Variants in UBR3 observed in about 807,000 individuals in gnomAD.
The protein encoded by UBR3 is E3 ubiquitin-protein ligase UBR3.
A neutral mutation model predicts 243.2 loss-of-function variants in UBR3; 85 were observed. The ratio of observed to expected loss-of-function variants is 0.35; its 90% CI spans 0.29 to 0.42. UBR3 has a LOEUF of 0.42. UBR3 is among the 10% of genes least tolerant of loss of function. The pLI is 1.00. For missense variants in UBR3, 1,686 were observed against 2,300.8 expected, an observed-to-expected ratio of 0.73 and a Z score of 5.47; for synonymous variants, 748 against 799.8, an observed-to-expected ratio of 0.94 and a Z score of 1.09.
intron 1 of UBR3, among the ~76,000 whole-genome samples, chr2:169,835,860 T>C (rs941129733): frequency 2.6e-5 from 4 of 151,620 alleles, no homozygotes; most frequent in African/African-American, 7.3e-5. Context: ...TTGAGATGAA[T>C]AGATATTAAC....
At chr2:169,887,204 A>G (rs999791319) in intron 5 of UBR3, among the ~76,000 whole-genome samples, 2 of 152,180 alleles carry the variant, frequency 1.3e-5, no homozygotes, top group South Asian at 2.1e-4. Context: ...ACCTGTGTCC[A>G]TATTTTGTGC....
rs530605155 is a variant in UBR3 at position 169,936,464 on chromosome 2, AT to A, written c.2663+3464del. Among the ~76,000 whole-genome samples, 77 of 151,566 alleles carry A rather than the reference AT, an allele frequency of 5.1e-4. 1 individual carries two copies. The highest frequency in any genetic ancestry group is 9.1e-4 in the Non-Finnish European group (62 of 67,842). On this transcript the variant is annotated intron_variant, in intron 19 of 38. Transcript: ENST00000272793. ...TAATGATAGTTTTCTTATTTTGAAG[AT>A]TTTTTTTCTTCATTCTATGTAGTAT... is the stretch of plus-strand genomic sequence containing the variant.
At chr2:169,928,269 T>A (rs1025196578) in intron 17 of UBR3, among the ~76,000 whole-genome samples, 10 of 152,192 alleles carry the variant, frequency 6.6e-5, no homozygotes, top group Non-Finnish European at 1.5e-4. Flanking sequence ...GTTTGCCTCT[T>A]TGCTTATATT....
chr2:169,854,888 G>A (rs1330539520), intron 1 of UBR3, among the ~76,000 whole-genome samples: 1 of 151,960 alleles, frequency 6.6e-6, no homozygotes. Flanking sequence ...TTTAATGCTG[G>A]TATTAAAATA....
Position 169,956,031 on chromosome 2 carries a change from A to G in UBR3, c.3546-2407A>G, listed in dbSNP as rs551160644. Among the ~76,000 whole-genome samples, 16 of 151,682 alleles carry G rather than the reference A, an allele frequency of 1.1e-4. No homozygotes were observed. In the South Asian group the frequency reaches 2.9e-3, roughly 28 times the overall value. ...AAGGTAGTGTGAGAGAGGAAGGGAG[A>G]AATTTATATTTAGTTTTATGTCTGA... On this transcript the variant is annotated intron_variant, in intron 23 of 38. Coordinates refer to ENST00000272793, the MANE Select transcript of UBR3 (RefSeq NM_172070.4).
intron 5 of UBR3, among the ~76,000 whole-genome samples, chr2:169,879,439 A>T (rs6433156): frequency 2.0e-5 from 3 of 152,196 alleles, no homozygotes; most frequent in South Asian, 2.1e-4. Context: ...ACAATGTTAC[A>T]TTTTGTGGAG....
At position 169,946,384 on chromosome 2, in the gene UBR3, G is replaced by C; in HGVS notation, c.2902G>C (p.Asp968His). The C allele has an allele frequency of 3.3e-6, 5 of 1,493,332 alleles. No individual in the cohort carries two copies. Among genetic ancestry groups the C allele is most frequent in the Non-Finnish European group, 3.6e-6 (4 of 1,114,402 alleles). 92.5% of individuals were successfully genotyped at this position (1,493,332 alleles called of 1,614,324 possible). Residue 968 changes from aspartate to histidine, a missense_variant, in exon 21 of 39, where the codon GAT becomes CAT. Asp to His is a moderately conservative substitution (Grantham distance 81). This residue lies in a region of UBR3 where 300 missense variants were observed against 314.4 expected (regional missense o/e 0.95). Coordinates refer to ENST00000272793, the MANE Select transcript of UBR3 (RefSeq NM_172070.4). ...TGAAAATTCTGCTGAAGAAGAATCA[G>C]ATGAAGAGGTAAGTAGTTTTTATAA... is the stretch of plus-strand genomic sequence containing the variant. ...GLENSAEEES[D>H]EEASVGGPER...
chr2:169,908,005 C>T (rs2085085708), intron 10 of UBR3, among the ~76,000 whole-genome samples: 2 of 152,152 alleles, frequency 1.3e-5, no homozygotes, highest in African/African-American at 4.8e-5. Flanking sequence ...CTCCTGACCT[C>T]AGGTGATCTG....
rs183558633 is a variant in UBR3, at chr2:169,906,382, G to A, written c.1779+218G>A. 1.7e-4 allele frequency among the ~76,000 whole-genome samples: 26 copies of A among 152,080 alleles called. 1 individual carries two copies. Among genetic ancestry groups the A allele is most frequent in the Admixed American group, 4.6e-4 (7 of 15,270 alleles). ...CCTGTTGCTATTGTGAACAGTCTTC[G>A]GAACTTCATTAGTCTCCACATTCAT... On this transcript the variant is annotated intron_variant, in intron 10 of 38. Transcript: ENST00000272793.
intron 1 of UBR3, among the ~76,000 whole-genome samples, chr2:169,866,508 A>G (rs914268374): frequency 2.6e-5 from 4 of 151,910 alleles, no homozygotes; most frequent in Non-Finnish European, 5.9e-5. Flanking sequence ...GATTACAGGC[A>G]TACGCCACCA....
chr2:169,970,300 A>G (rs1405545413), intron 24 of UBR3, among the ~76,000 whole-genome samples: 1 of 75,066 alleles, frequency 1.3e-5, no homozygotes, highest in African/African-American at 5.6e-5. Flanking sequence ...CTGCTAGTTT[A>G]TTATTGATGT....
At chr2:169,930,187 C>T (rs991817589) in intron 18 of UBR3, among the ~76,000 whole-genome samples, 6 of 152,124 alleles carry the variant, frequency 3.9e-5, no homozygotes, top group Admixed American at 1.3e-4. Flanking sequence ...GTCTCACCTC[C>T]TATCTGCTAT....
At chr2:169,886,156 CA>C (rs71006050) in intron 5 of UBR3, among the ~76,000 whole-genome samples, 170 of 112,136 alleles carry the variant, frequency 1.5e-3, no homozygotes, top group African/African-American at 3.3e-3. Context: ...GACTCCGTCT[CA>C]AAAAAAAAAA....
intron 23 of UBR3, among the ~76,000 whole-genome samples, chr2:169,955,843 A>G (rs940789024): frequency 6.8e-6 from 1 of 146,956 alleles, no homozygotes. Flanking sequence ...ACTTGGAGTC[A>G]GCCATTTCTC....
intron 30 of UBR3, among the ~76,000 whole-genome samples, chr2:170,024,219 T>C (rs2090466118): frequency 6.6e-6 from 1 of 151,154 alleles, no homozygotes; most frequent in Admixed American, 6.6e-5. Flanking sequence ...CCTGGTGTGG[T>C]GGTGGGAGCC....
In UBR3 at chr2:170,063,555, A is replaced by G. The variant is rs1574469707; in HGVS notation, c.5019+2112A>G. ...GTATACTGCAATCTGAAAATATTAA[A>G]TGAAAAATTCCAGAAAAAAACTATT... On this transcript the variant is annotated intron_variant, in intron 35 of 38. Transcript: ENST00000272793. Among the ~76,000 whole-genome samples the G allele has an allele frequency of 2.0e-5, 3 of 152,306 alleles. No individual in the cohort carries two copies. In the East Asian group the frequency reaches 5.8e-4, roughly 29 times the overall value.
intron 36 of UBR3, chr2:170,078,439 C>G: frequency 5.1e-6 from 1 of 194,892 alleles, no homozygotes; most frequent in Non-Finnish European, 1.0e-5. Flanking sequence ...CTGTTAAATA[C>G]TTTCCACCTC....
chr2:169,904,283 A>T (rs1216749155), intron 8 of UBR3, among the ~76,000 whole-genome samples: 1 of 152,222 alleles, frequency 6.6e-6, no homozygotes, highest in Non-Finnish European at 1.5e-5. Context: ...GCATGAATAG[A>T]AACAAAAATT....
chr2:170,040,340 A>G (rs1047931347), intron 31 of UBR3, among the ~76,000 whole-genome samples: 1 of 151,902 alleles, frequency 6.6e-6, no homozygotes, highest in South Asian at 2.1e-4. Context: ...TTCTGAGCTC[A>G]AGTGATCCGC....
Sources: gnomAD v4.1 joint callset for allele counts (sites outside exome capture counted in the v4.1 genomes callset) on GRCh38, gnomAD v4.1.1 for gene constraint, gnomAD v4.1.1 regional missense constraint, MANE v1.5 for transcripts, NCBI Gene and HGNC (gene_info 2026-07-23, HGNC 2026-07-21) for gene names.